CCDC50: variants seen among roughly 807,000 people sequenced by gnomAD.
The protein encoded by CCDC50 is coiled-coil domain containing 50.
In CCDC50, 54 loss-of-function variants were observed where a neutral mutation model predicts 70.2. The ratio of observed to expected loss-of-function variants is 0.77; its 90% CI spans 0.62 to 0.96. The LOEUF (loss-of-function observed/expected upper bound fraction) is 0.96. Among genes scored for constraint, CCDC50 ranks in the 50% least tolerant of loss-of-function variants. The pLI, the probability that CCDC50 is intolerant of heterozygous loss-of-function variation, is 0.00. For synonymous variants in CCDC50, 216 were observed against 198.8 expected, an observed-to-expected ratio of 1.09 and a Z score of -0.73; for missense variants, 558 against 578.7, an observed-to-expected ratio of 0.96 and a Z score of 0.37.
intron 5 of CCDC50, among the ~76,000 whole-genome samples, 195 bp from the exon 6 acceptor site, chr3:191,374,867 C>T (rs1004900410): frequency 1.3e-5 from 2 of 152,040 alleles, no homozygotes; most frequent in African/African-American, 2.4e-5. Context: ...GGCTATGTAC[C>T]CAGAATTCTT....
intron 1 of CCDC50, among the ~76,000 whole-genome samples, chr3:191,346,615 T>C (rs1411981359): frequency 6.6e-6 from 1 of 152,174 alleles, no homozygotes; most frequent in African/African-American, 2.4e-5. Flanking sequence ...GTCAGTTGTT[T>C]CTACAAAACA....
In CCDC50 at chr3:191,380,280, C is replaced by A. The variant is rs772021131; in HGVS notation, c.1092+6C>A. 3.3e-5 allele frequency: 53 copies of A among 1,582,156 alleles called. No individual in the cohort carries two copies. The highest frequency in any genetic ancestry group is 6.1e-6 in the Non-Finnish European group (7 of 1,151,822). On this transcript the variant is annotated splice_donor_region_variant and intron_variant, in intron 7 of 11. Coordinates refer to ENST00000392455, the MANE Select transcript of CCDC50 (RefSeq NM_178335.3). ...TGCAAGAAGAAGAACTTTTGGTGAG[C>A]AAATTTTAAGGCAAAAGTTTAGATA...
In CCDC50 at chr3:191,362,616, G is replaced by A. The variant is rs1712532460; in HGVS notation, c.330+1457G>A. 2.0e-5 allele frequency among the ~76,000 whole-genome samples: 3 copies of A among 152,190 alleles called. No homozygotes were observed. In the South Asian group the frequency reaches 6.2e-4, roughly 32 times the overall value. Reference sequence around the variant, plus strand: ...CCAGAAACACTTTCGAGGGTTATAAGCATGGTGTTAATTACATAAACTGAA... The same window carrying A: ...CCAGAAACACTTTCGAGGGTTATAAACATGGTGTTAATTACATAAACTGAA... On this transcript the variant is annotated intron_variant, in intron 4 of 11. Coordinates refer to ENST00000392455, the MANE Select transcript of CCDC50 (RefSeq NM_178335.3).
intron 6 of CCDC50, among the ~76,000 whole-genome samples, chr3:191,376,976 T>C (rs1320984877): frequency 1.3e-5 from 2 of 152,154 alleles, no homozygotes; most frequent in African/African-American, 4.8e-5. Flanking sequence ...CTTTTAGTTA[T>C]GCTCCAGGAT....
At position 191,329,626 on chromosome 3, in the gene CCDC50, G is replaced by C. The variant is rs552812594; in HGVS notation, c.-49G>C. 2.5e-6 allele frequency: 4 copies of C among 1,582,028 alleles called. No homozygotes were observed. The highest frequency in any genetic ancestry group is 2.6e-6 in the Non-Finnish European group (3 of 1,165,132). ...GCTCGGGGCCCCGCTCGGCGCCGGC[G>C]GTGACCGGGAAGCCCGCGTTAAAGG... On this transcript the variant is annotated 5_prime_UTR_variant, in exon 1 of 12. Coordinates refer to ENST00000392455, the MANE Select transcript of CCDC50 (RefSeq NM_178335.3).
chr3:191,357,298 G>A (rs1006457287), intron 2 of CCDC50, 148 bp downstream of exon 2: 1 of 710,032 alleles, frequency 1.4e-6, no homozygotes. Context: ...GGCAAATGAT[G>A]CCTGGGTGAT....
Position 191,380,151 on chromosome 3 carries a change from T to C in CCDC50, c.977-8T>C, listed in dbSNP as rs1713260785. ...TTTATTACATTGAGTTTTTTTTTTT[T>C]TTTAAAGGAATGAAGCCAAGAGTGA... On this transcript the variant is annotated splice_polypyrimidine_tract_variant and splice_region_variant and intron_variant, in intron 6 of 11. Transcript: ENST00000392455. 1 of 1,472,892 alleles carries C rather than the reference T, an allele frequency of 6.8e-7. No individual in the cohort carries two copies. The highest frequency in any genetic ancestry group is 1.8e-5 in the Admixed American group (1 of 55,994). 91.2% of individuals were successfully genotyped at this position (1,472,892 alleles called of 1,614,324 possible). A position where few individuals can be genotyped will look rare whatever the true frequency, so the allele number is the denominator to read the frequency against.
chr3:191,371,927 T>G lies in CCDC50; in HGVS notation c.448+1891T>G, dbSNP rs544378842. ...AGAAATGTGGCCTGGTGTTTTTCCC[T>G]TTTTTAAAAAGTCTGCTTTGGAGGT... is the stretch of plus-strand genomic sequence containing the variant. On this transcript the variant is annotated intron_variant, in intron 5 of 11. Coordinates refer to ENST00000392455, the MANE Select transcript of CCDC50 (RefSeq NM_178335.3). Among the ~76,000 whole-genome samples the G allele has an allele frequency of 1.5e-4, 23 of 152,326 alleles. No individual in the cohort carries two copies. The East Asian group carries it at 3.7e-3, about 24-fold the overall frequency.
intron 4 of CCDC50, among the ~76,000 whole-genome samples, chr3:191,364,818 C>T (rs957960414): frequency 6.6e-6 from 1 of 151,804 alleles, no homozygotes; most frequent in Non-Finnish European, 1.5e-5. Flanking sequence ...AACTCCTCAC[C>T]TTCCCTCCCT....
At chr3:191,351,644 G>A (rs1005156952) in intron 1 of CCDC50, among the ~76,000 whole-genome samples, 3 of 141,172 alleles carry the variant, frequency 2.1e-5, no homozygotes, top group South Asian at 2.2e-4. Context: ...GAGAGACTTC[G>A]GAAGCAAATG....
In CCDC50 at chr3:191,329,703, A is replaced by G. The variant is rs371977652; in HGVS notation, c.29A>G (p.Lys10Arg). Residue 10 changes from lysine to arginine, a missense_variant, in exon 1 of 12, where the codon AAG becomes AGG. Lys to Arg is a conservative substitution (Grantham distance 26, BLOSUM62 2). Coordinates refer to ENST00000392455, the MANE Select transcript of CCDC50 (RefSeq NM_178335.3). Reference sequence around the variant, plus strand: ...GCTGAAGTCAGCATCGACCAGTCCAAGCTGCCTGGAGTCAAGGAAGGTAAG... The same window carrying G: ...GCTGAAGTCAGCATCGACCAGTCCAGGCTGCCTGGAGTCAAGGAAGGTAAG... MAEVSIDQS[K>R]LPGVKEVCRD... 3 of 1,610,636 alleles carry G rather than the reference A, an allele frequency of 1.9e-6. No individual in the cohort carries two copies. Among genetic ancestry groups the G allele is most frequent in the Non-Finnish European group, 2.5e-6 (3 of 1,178,948 alleles).
chr3:191,375,721 G>A (rs1713090620), intron 6 of CCDC50, 132 bp downstream of exon 6: 1 of 952,668 alleles, frequency 1.0e-6, no homozygotes, highest in South Asian at 1.5e-5. Context: ...AAATCCTAGA[G>A]CAACATATTA....
intron 3 of CCDC50, 145 bp downstream of exon 3, chr3:191,358,269 G>A (rs1239287801): frequency 9.1e-7 from 1 of 1,100,636 alleles, no homozygotes; most frequent in African/African-American, 1.6e-5. Flanking sequence ...ATGTCTAACA[G>A]TTTTTTTGAT....
Position 191,382,801 on chromosome 3 carries a change from A to T in CCDC50, c.1298A>T (p.His433Leu), listed in dbSNP as rs756449023. ...SKSKESDEPH[H>L]SKNERPARPP... Reference sequence around the variant, plus strand: ...TCAAAAGAGAGTGATGAACCTCACCATTCTAAGAATGAAAGGCCAGCACGG... The same window carrying T: ...TCAAAAGAGAGTGATGAACCTCACCTTTCTAAGAATGAAAGGCCAGCACGG... The change falls in exon 10 of 12, where the codon CAT becomes CTT. Residue 433 changes from histidine (H) to leucine (L), a missense_variant. Transcript: ENST00000392455. 1.9e-6 allele frequency: 3 copies of T among 1,613,018 alleles called. No homozygotes were observed. Among genetic ancestry groups the T allele is most frequent in the East Asian group, 4.5e-5 (2 of 44,832 alleles).
chr3:191,367,855 T>C (rs1021522528), intron 4 of CCDC50, among the ~76,000 whole-genome samples: 22 of 152,132 alleles, frequency 1.4e-4, no homozygotes, highest in African/African-American at 5.1e-4. Flanking sequence ...ACTTCTGTAG[T>C]AAACATTATA....
At position 191,396,301 on chromosome 3, in the gene CCDC50, A is replaced by G. The variant is rs1049689429; in HGVS notation, c.*4541A>G. The G allele has an allele frequency of 2.6e-5, 4 of 152,202 alleles. No homozygotes were observed. Among genetic ancestry groups the G allele is most frequent in the African/African-American group, 7.2e-5 (3 of 41,456 alleles). The allele number at this position is 152,202 out of a possible 1,614,324, so 9.4% of individuals were successfully genotyped here. On this transcript the variant is annotated 3_prime_UTR_variant, in exon 12 of 12. Transcript: ENST00000392455. ...CTGACAGTCAGCTTTCCATTGAGAT[A>G]TAACATTCACAGATGATCCCCAAGT...
intron 1 of CCDC50, among the ~76,000 whole-genome samples, chr3:191,342,195 T>G (rs984293316): frequency 2.6e-5 from 4 of 152,236 alleles, no homozygotes; most frequent in African/African-American, 9.7e-5. Flanking sequence ...TCCAGAAATG[T>G]GTGTAGAGTT....
intron 1 of CCDC50, among the ~76,000 whole-genome samples, chr3:191,346,447 A>C (rs921194362): frequency 3.3e-5 from 5 of 152,208 alleles, no homozygotes; most frequent in African/African-American, 1.2e-4. Flanking sequence ...AAGTATTTCA[A>C]ATATAGTCAG....
chr3:191,357,871 T>C, intron 2 of CCDC50, 127 bp from the exon 3 acceptor site: 1 of 1,161,516 alleles, frequency 8.6e-7, no homozygotes, highest in Non-Finnish European at 1.3e-6. Context: ...TATATTGTTG[T>C]TGAGACAATA....
Sources: allele counts gnomAD v4.1 joint callset (sites outside exome capture counted in the v4.1 genomes callset), GRCh38; gene constraint gnomAD v4.1.1; transcripts MANE v1.5; gene names NCBI Gene and HGNC (gene_info 2026-07-23, HGNC 2026-07-21).